Variants in AATK observed in about 807,000 individuals in gnomAD.
AATK encodes serine/threonine-protein kinase LMTK1.
In AATK, 91 loss-of-function variants were observed where a neutral mutation model predicts 114.3. The observed-to-expected ratio is 0.80, with a 90% CI of 0.67 to 0.95. The LOEUF (loss-of-function observed/expected upper bound fraction) is 0.95. Among genes scored for constraint, AATK ranks in the 40% least tolerant of loss-of-function variants. The pLI, the probability that AATK is intolerant of heterozygous loss-of-function variation, is 0.00. For missense variants in AATK, 2,176 were observed against 1,965.2 expected, an observed-to-expected ratio of 1.11 and a Z score of -2.03; for synonymous variants, 1,075 against 916.5, an observed-to-expected ratio of 1.17 and a Z score of -3.12.
In AATK at chr17:81,118,381, G is replaced by T; in HGVS notation, c.*21C>A. 1 of 1,600,730 alleles carries T rather than the reference G, an allele frequency of 6.2e-7. No homozygotes were observed. Among genetic ancestry groups the T allele is most frequent in the East Asian group, 2.3e-5 (1 of 44,056 alleles). On this transcript the variant is annotated 3_prime_UTR_variant, in exon 14 of 14. Coordinates refer to ENST00000326724, the MANE Select transcript of AATK (RefSeq NM_001080395.3). ...GGGGCTCCGGTGACGCCAGCCTTGAGGGGCAGGAGCTGCCCAGGTCTCAAG... is the reference window on the plus strand; with the variant it reads ...GGGGCTCCGGTGACGCCAGCCTTGATGGGCAGGAGCTGCCCAGGTCTCAAG...
chr17:81,165,852 G>A (rs2061482605), intron 1 of AATK, 86 bp downstream of exon 1: 34 of 1,530,540 alleles, frequency 2.2e-5, no homozygotes, highest in Non-Finnish European at 2.8e-5. Context: ...TAATTTCCAT[G>A]CAAACCGGGA....
chr17:81,122,126 G>A lies in AATK; in HGVS notation c.1810C>T (p.Leu604Phe), dbSNP rs775300002. Residue 604 changes from leucine (L) to phenylalanine (F), a missense_variant, in exon 11 of 14, where the codon CTC (leucine) becomes TTC (phenylalanine). Physicochemically the swap from Leu to Phe is conservative, Grantham distance 22. Transcript: ENST00000326724. Reference sequence around the variant, plus strand: ...GGCGAGGGAGAGCGTGAGGGGCAGAGCGGGTCCCGCGCCAAGCTTCTGCGA... The same window carrying A: ...GGCGAGGGAGAGCGTGAGGGGCAGAACGGGTCCCGCGCCAAGCTTCTGCGA... ...YPRRSLARDP[L>F]CPSRSPSPSA... 2 of 1,541,152 alleles carry A rather than the reference G, an allele frequency of 1.3e-6. No homozygotes were observed. Among genetic ancestry groups the A allele is most frequent in the Non-Finnish European group, 1.7e-6 (2 of 1,146,336 alleles).
Position 81,119,918 on chromosome 17 carries a change from A to G in AATK, c.3883+18T>C, listed in dbSNP as rs373411096. 51 of 1,417,896 alleles carry G rather than the reference A, an allele frequency of 3.6e-5. No individual in the cohort carries two copies. The African/African-American group carries it at 5.7e-4, about 16-fold the overall frequency. 87.8% of individuals were successfully genotyped at this position (1,417,896 alleles called of 1,614,324 possible). A position where few individuals can be genotyped will look rare whatever the true frequency, so the allele number is the denominator to read the frequency against. ...CTGCCTCCCGTGACGTCACGGGCCC[A>G]GCCCCGCCCCTGCTCACCCTCTTCC... On this transcript the variant is annotated intron_variant, in intron 12 of 13. Coordinates refer to ENST00000326724, the MANE Select transcript of AATK (RefSeq NM_001080395.3).
intron 1 of AATK, among the ~76,000 whole-genome samples, chr17:81,148,064 C>CAAAAAAAAA (rs35731140): frequency 4.4e-4 from 45 of 101,770 alleles, no homozygotes; most frequent in East Asian, 6.2e-4. Flanking sequence ...ACAACTTTGT[C>CAAAAAAAAA]AAAAAAAAAA....
rs1390507404 is a variant in AATK at position 81,118,355 on chromosome 17, A to T, written c.*47T>A. The T allele has an allele frequency of 5.1e-6, 8 of 1,565,708 alleles. No homozygotes were observed. The highest frequency in any genetic ancestry group is 6.9e-6 in the Non-Finnish European group (8 of 1,154,292). On this transcript the variant is annotated 3_prime_UTR_variant, in exon 14 of 14. Coordinates refer to ENST00000326724, the MANE Select transcript of AATK (RefSeq NM_001080395.3). ...GTCACCATCCTCGCTGCTGCCTGGC[A>T]GGGGCTCCGGTGACGCCAGCCTTGA...
intron 1 of AATK, among the ~76,000 whole-genome samples, chr17:81,149,611 A>G (rs1329899787): frequency 6.6e-6 from 1 of 152,032 alleles, no homozygotes; most frequent in African/African-American, 2.4e-5. Context: ...AGCCACTTCT[A>G]AAAGCACTGC....
In AATK at chr17:81,126,702, A is replaced by G. The variant is rs1568226999; in HGVS notation, c.622-142T>C. On this transcript the variant is annotated intron_variant, in intron 6 of 13. Coordinates refer to ENST00000326724, the MANE Select transcript of AATK (RefSeq NM_001080395.3). This position sits in a 1 kb window ranked among gnomAD's most constrained non-coding sequence, Gnocchi z 5.1. The stretch of plus-strand genomic sequence containing the variant: ...CCCAGAGCAGCCTCGTGCCCTGCAC[A>G]GTGGCCAGCACCCAGCAGTTCCTGG... 2.8e-6 allele frequency: 4 copies of G among 1,433,372 alleles called. No individual in the cohort carries two copies. The highest frequency in any genetic ancestry group is 1.4e-5 in the African/African-American group (1 of 69,806). 88.8% of individuals were successfully genotyped at this position (1,433,372 alleles called of 1,614,324 possible).
chr17:81,122,340 G>C lies in AATK; in HGVS notation c.1596C>G (p.Ile532Met). 1.3e-6 allele frequency: 2 copies of C among 1,512,172 alleles called. No homozygotes were observed. Among genetic ancestry groups the C allele is most frequent in the Non-Finnish European group, 8.8e-7 (1 of 1,134,798 alleles). The allele number at this position is 1,512,172 out of a possible 1,614,324, so 93.7% of individuals were successfully genotyped here. A position where few individuals can be genotyped will look rare whatever the true frequency, so the allele number is the denominator to read the frequency against. The stretch of plus-strand genomic sequence containing the variant: ...CGGCGGGTGCGGCCTCCTCTAGGCG[G>C]ATGAAGTACTCGCTGCCCAGCGACG... ...HSPSLGSEYFIRLEEAAPAAG... is the reference protein window; with the variant it reads ...HSPSLGSEYFMRLEEAAPAAG... The change falls in exon 11 of 14, where the codon ATC becomes ATG. Residue 532 changes from isoleucine to methionine, a missense_variant. This residue lies in a region of AATK where 1,701 missense variants were observed against 1,394.7 expected (regional missense o/e 1.22). Coordinates refer to ENST00000326724, the MANE Select transcript of AATK (RefSeq NM_001080395.3).
At chr17:81,140,156 G>T (rs2061100836) in intron 1 of AATK, among the ~76,000 whole-genome samples, 1 of 152,188 alleles carries the variant, frequency 6.6e-6, no homozygotes, top group African/African-American at 2.4e-5. Flanking sequence ...GGGATGATGG[G>T]TGTGACAGGC....
chr17:81,127,800 C>T lies in AATK; in HGVS notation c.525G>A (p.Gln175=). 1 of 1,510,832 alleles carries T rather than the reference C, an allele frequency of 6.6e-7. No individual in the cohort carries two copies. Among genetic ancestry groups the T allele is most frequent in the Non-Finnish European group, 9.0e-7 (1 of 1,112,334 alleles). The allele number at this position is 1,510,832 out of a possible 1,614,324, so 93.6% of individuals were successfully genotyped here. A position where few individuals can be genotyped will look rare whatever the true frequency, so the allele number is the denominator to read the frequency against. The change falls in exon 5 of 14, where the codon CAG becomes CAA. Residue 175 remains glutamine, a synonymous_variant. Coordinates refer to ENST00000326724, the MANE Select transcript of AATK (RefSeq NM_001080395.3). ...QEQMQFLEEV[Q]PYRALKHSNL... ...GCCCGGTGGCCTCCCACCTGTAGGGCTGCACCTCCTCCAGGAACTGCATCT... is the reference window on the plus strand; with the variant it reads ...GCCCGGTGGCCTCCCACCTGTAGGGTTGCACCTCCTCCAGGAACTGCATCT...
chr17:81,143,747 C>T (rs749699471), intron 1 of AATK, among the ~76,000 whole-genome samples: 53 of 152,324 alleles, frequency 3.5e-4, no homozygotes, highest in Non-Finnish European at 5.6e-4. Flanking sequence ...GTGATCCCCA[C>T]GGGGTAAGGC....
In AATK at chr17:81,121,004, G is replaced by A. The variant is rs368177200; in HGVS notation, c.2932C>T (p.Arg978Trp). 17 of 1,610,394 alleles carry A rather than the reference G, an allele frequency of 1.1e-5. No homozygotes were observed. The highest frequency in any genetic ancestry group is 5.0e-5 in the Admixed American group (3 of 59,774). Reference sequence around the variant, plus strand: ...AGGCCACTGAGGGAGGTGGAGAGCCGTGTCTCGGGCCCGGGGCCCTCACCC... The same window carrying A: ...AGGCCACTGAGGGAGGTGGAGAGCCATGTCTCGGGCCCGGGGCCCTCACCC... ...SEGEGPGPET[R>W]LSTSLSGLNE... The change falls in exon 11 of 14, where the codon CGG (arginine) becomes TGG (tryptophan). Residue 978 changes from arginine to tryptophan, a missense_variant. By Grantham distance (101) the Arg-to-Trp change is moderately radical. This residue lies in a region of AATK where 1,701 missense variants were observed against 1,394.7 expected (regional missense o/e 1.22). Coordinates refer to ENST00000326724, the MANE Select transcript of AATK (RefSeq NM_001080395.3).
rs775634996 is a variant in AATK, at chr17:81,121,913, G to T, written c.2023C>A (p.Arg675Ser). The T allele has an allele frequency of 1.2e-6, 2 of 1,600,690 alleles. No individual in the cohort carries two copies. Among genetic ancestry groups the T allele is most frequent in the Non-Finnish European group, 1.7e-6 (2 of 1,178,796 alleles). ...EEVGARRAAQ[R>S]GHWRSNVSAN... Reference sequence around the variant, plus strand: ...GACACGTTGGAGCGCCAGTGCCCGCGCTGGGCGGCCCTCCGCGCTCCCACC... The same window carrying T: ...GACACGTTGGAGCGCCAGTGCCCGCTCTGGGCGGCCCTCCGCGCTCCCACC... Residue 675 changes from arginine to serine, a missense_variant, in exon 11 of 14, where the codon CGC (arginine) becomes AGC (serine). Physicochemically the swap from Arg to Ser is moderately radical, Grantham distance 110. Transcript: ENST00000326724.
rs541413918 is a variant in AATK, at chr17:81,165,975, G to A, written c.18C>T (p.Phe6=). 69 of 1,585,288 alleles carry A rather than the reference G, an allele frequency of 4.4e-5. 1 individual carries two copies. The South Asian group carries it at 6.6e-4, about 15-fold the overall frequency. MSSSF[F]NPSFAFSSHF... Reference sequence around the variant, plus strand: ...GCGAGCTGAAGGCGAAGCTGGGGTTGAAGAAGGACGACGACATGGCCGGGC... The same window carrying A: ...GCGAGCTGAAGGCGAAGCTGGGGTTAAAGAAGGACGACGACATGGCCGGGC... Residue 6 remains phenylalanine, a synonymous_variant, in exon 1 of 14, where the codon TTC becomes TTT. Transcript: ENST00000326724.
intron 3 of AATK, among the ~76,000 whole-genome samples, chr17:81,130,516 G>A (rs969741633): frequency 5.9e-5 from 9 of 151,940 alleles, no homozygotes; most frequent in Admixed American, 2.0e-4. Context: ...GCCCCTCCTC[G>A]CAGCCTGAGT....
At chr17:81,123,732 G>A (rs373493748) in intron 9 of AATK, among the ~76,000 whole-genome samples, 18 of 152,128 alleles carry the variant, frequency 1.2e-4, no homozygotes, top group East Asian at 9.7e-4. Context: ...GGCTGAGGGA[G>A]GGGGAGGGAG....
At chr17:81,119,791 G>A (rs1265812000) in intron 12 of AATK, 145 bp downstream of exon 12, 1 of 1,296,142 alleles carries the variant, frequency 7.7e-7, no homozygotes, top group Non-Finnish European at 1.0e-6. Flanking sequence ...CGCCTCCCAT[G>A]ACGACACGGG....
intron 2 of AATK, chr17:81,132,694 G>A (rs749962725): frequency 1.2e-5 from 4 of 328,224 alleles, no homozygotes; most frequent in Non-Finnish European, 2.5e-5. Flanking sequence ...CCGATACAGC[G>A]TGCAATCAGG....
intron 1 of AATK, among the ~76,000 whole-genome samples, chr17:81,164,824 G>A (rs1225330648): frequency 2.0e-5 from 3 of 152,170 alleles, no homozygotes; most frequent in Admixed American, 6.5e-5. Flanking sequence ...AGCCCCAGGG[G>A]TCACTACAGG....
Sources: allele counts gnomAD v4.1 joint callset (sites outside exome capture counted in the v4.1 genomes callset), GRCh38; gene constraint gnomAD v4.1.1; regional missense constraint gnomAD v4.1.1; non-coding constraint Gnocchi (gnomAD v3.1); transcripts MANE v1.5; gene names NCBI Gene and HGNC (gene_info 2026-07-23, HGNC 2026-07-21).